Variants in NPAS2 observed in about 807,000 individuals in gnomAD.
NPAS2 encodes the protein neuronal PAS domain-containing protein 2.
NPAS2 carries 23 observed loss-of-function variants against 107.5 expected under a neutral mutation model. The observed-to-expected ratio is 0.21, with a 90% CI of 0.15 to 0.30. The LOEUF (loss-of-function observed/expected upper bound fraction) is 0.30. Among genes scored for constraint, NPAS2 ranks in the 10% least tolerant of loss-of-function variants. The pLI is 1.00. For synonymous variants in NPAS2, 403 were observed against 417.5 expected, an observed-to-expected ratio of 0.97 and a Z score of 0.42; for missense variants, 756 against 1,043.3, an observed-to-expected ratio of 0.72 and a Z score of 3.79.
intron 7 of NPAS2, among the ~76,000 whole-genome samples, chr2:100,956,422 T>C (rs2105099367): frequency 1.3e-5 from 2 of 152,292 alleles, no homozygotes; most frequent in East Asian, 3.9e-4. Context: ...TGTCCATGTG[T>C]ACTCAATATT....
intron 2 of NPAS2, among the ~76,000 whole-genome samples, chr2:100,905,563 T>C (rs923495038): frequency 2.0e-5 from 3 of 152,134 alleles, no homozygotes; most frequent in Non-Finnish European, 4.4e-5. Context: ...CCTCAGTGGC[T>C]CACTGCAGGT....
At chr2:100,861,971 G>T (rs1231395429) in intron 1 of NPAS2, among the ~76,000 whole-genome samples, 2 of 152,146 alleles carry the variant, frequency 1.3e-5, no homozygotes, top group East Asian at 3.8e-4. Context: ...AGAAAAGAAT[G>T]TGTGTATATG....
rs1031206592 is a variant in NPAS2 at position 100,931,148 on chromosome 2, C to T, written c.182-1762C>T. On this transcript the variant is annotated intron_variant, in intron 3 of 20. Transcript: ENST00000335681. ...TTCCCATGCTGCATTCCACCATGTGCATATGAGGCCCGACACTGGACGTTT... is the reference window on the plus strand; with the variant it reads ...TTCCCATGCTGCATTCCACCATGTGTATATGAGGCCCGACACTGGACGTTT... 3.9e-5 allele frequency among the ~76,000 whole-genome samples: 6 copies of T among 152,190 alleles called. No individual in the cohort carries two copies. The East Asian group carries it at 1.2e-3, about 29-fold the overall frequency.
chr2:100,986,605 G>A (rs538240382), intron 16 of NPAS2: 7 of 152,220 alleles, frequency 4.6e-5, no homozygotes, highest in African/African-American at 1.7e-4. Flanking sequence ...ATACCCAAGA[G>A]GTACTTTTGT....
intron 1 of NPAS2, among the ~76,000 whole-genome samples, chr2:100,863,800 T>C (rs1310721222): frequency 6.6e-6 from 1 of 152,216 alleles, no homozygotes; most frequent in African/African-American, 2.4e-5. Context: ...CTAATGTATA[T>C]ATGTATATAA....
intron 1 of NPAS2, among the ~76,000 whole-genome samples, chr2:100,861,773 T>C (rs1423441035): frequency 6.6e-6 from 1 of 152,236 alleles, no homozygotes; most frequent in Non-Finnish European, 1.5e-5. Flanking sequence ...TGGCAGATGC[T>C]TGGCATTTTC....
At chr2:100,935,133 T>C in intron 4 of NPAS2, 1 of 978,366 alleles carries the variant, frequency 1.0e-6, no homozygotes, top group African/African-American at 1.7e-5. Context: ...GCCAAGCTGG[T>C]AAAGTATCAG....
At chr2:100,923,152 C>T (rs1165935400) in intron 2 of NPAS2, among the ~76,000 whole-genome samples, 1 of 152,150 alleles carries the variant, frequency 6.6e-6, no homozygotes, top group Non-Finnish European at 1.5e-5. Context: ...CTTGCTGCCA[C>T]GCCTGCAGTT....
intron 11 of NPAS2, among the ~76,000 whole-genome samples, chr2:100,970,354 T>C (rs1350180402): frequency 6.6e-6 from 1 of 152,200 alleles, no homozygotes; most frequent in Non-Finnish European, 1.5e-5. Context: ...ATGAATCAGG[T>C]GGCAGGCGTT....
Position 100,852,879 on chromosome 2 carries a change from A to T in NPAS2, c.-23+32465A>T, listed in dbSNP as rs1240772718. Among the ~76,000 whole-genome samples, 4 of 151,638 alleles carry T rather than the reference A, an allele frequency of 2.6e-5. No individual in the cohort carries two copies. The East Asian group carries it at 7.9e-4, about 30-fold the overall frequency. ...CGTTCAGTGCTTTCTTTAAAAAAAT[A>T]AAATAAAATAAATAAAAGACAAAAA... is the stretch of plus-strand genomic sequence containing the variant. On this transcript the variant is annotated intron_variant, in intron 1 of 20. Coordinates refer to ENST00000335681, the MANE Select transcript of NPAS2 (RefSeq NM_002518.4).
chr2:100,930,690 G>A (rs1411274709), intron 3 of NPAS2, among the ~76,000 whole-genome samples: 1 of 152,098 alleles, frequency 6.6e-6, no homozygotes, highest in Non-Finnish European at 1.5e-5. Flanking sequence ...GAAATACAAA[G>A]TGAATGAGAT....
intron 1 of NPAS2, among the ~76,000 whole-genome samples, chr2:100,895,811 C>A (rs549812808): frequency 2.6e-5 from 4 of 152,258 alleles, no homozygotes; most frequent in African/African-American, 9.6e-5. Context: ...CCTGCGGGTG[C>A]CTCTTGGCTG....
chr2:100,974,667 T>C, intron 12 of NPAS2, 136 bp from the exon 13 acceptor site: 1 of 946,386 alleles, frequency 1.1e-6, no homozygotes, highest in South Asian at 1.7e-5. Flanking sequence ...CAAGCATCTT[T>C]GGAATCGTCC....
chr2:100,978,127 C>A (rs1424081616), intron 15 of NPAS2, among the ~76,000 whole-genome samples: 2 of 152,014 alleles, frequency 1.3e-5, no homozygotes, highest in Admixed American at 6.6e-5. Flanking sequence ...TACACTGTAC[C>A]CAATATGTAG....
chr2:100,928,814 C>T (rs539487829), intron 3 of NPAS2, among the ~76,000 whole-genome samples: 22 of 152,290 alleles, frequency 1.4e-4, no homozygotes, highest in African/African-American at 5.3e-4. Flanking sequence ...GAATACTGAC[C>T]GTAAGCATCT....
At chr2:100,832,387 G>T (rs1195532279) in intron 1 of NPAS2, among the ~76,000 whole-genome samples, 2 of 152,158 alleles carry the variant, frequency 1.3e-5, no homozygotes, top group Non-Finnish European at 2.9e-5. Flanking sequence ...TGTTGTACCT[G>T]CCCTGGCAAT....
intron 1 of NPAS2, among the ~76,000 whole-genome samples, chr2:100,858,220 G>A (rs137888632): frequency 4.6e-5 from 7 of 152,284 alleles, no homozygotes; most frequent in Non-Finnish European, 7.3e-5. Flanking sequence ...CTCAGCCTCT[G>A]TCTTCAGGGA....
Position 100,988,104 on chromosome 2 carries a change from C to G in NPAS2, c.1655C>G (p.Ser552Cys). The G allele has an allele frequency of 6.2e-7, 1 of 1,614,204 alleles. No individual in the cohort carries two copies. The highest frequency in any genetic ancestry group is 8.5e-7 in the Non-Finnish European group (1 of 1,180,018). Residue 552 changes from serine to cysteine, a missense_variant, in exon 17 of 21, where the codon TCC (serine) becomes TGC (cysteine). By Grantham distance (112) the Ser-to-Cys change is moderately radical. Around this residue, in one of 4 missense-constraint regions of NPAS2, gnomAD observed 496 missense variants for 594.4 expected, o/e 0.83. Coordinates refer to ENST00000335681, the MANE Select transcript of NPAS2 (RefSeq NM_002518.4). ...ATGTTCCTGCAGCAGCCAGCTGTAT[C>G]CCTGAGCTTCAGCAGCACCCAGCGA... Reference protein sequence around the residue: ...VQMFLQQPAVSLSFSSTQRPE... With the variant: ...VQMFLQQPAVCLSFSSTQRPE...
rs565525028 is a variant in NPAS2, at chr2:100,858,929, C to G, written c.-23+38515C>G. On this transcript the variant is annotated intron_variant, in intron 1 of 20. Coordinates refer to ENST00000335681, the MANE Select transcript of NPAS2 (RefSeq NM_002518.4). ...GTAAAACTAAGTAAGGTTGCATAAT[C>G]AACGCCTCAAGAATATAAGTTGTTG... Among the ~76,000 whole-genome samples, 4 of 152,304 alleles carry G rather than the reference C, an allele frequency of 2.6e-5. No individual in the cohort carries two copies. In the East Asian group the frequency reaches 7.7e-4, roughly 29 times the overall value.
Sources: allele counts gnomAD v4.1 joint callset (sites outside exome capture counted in the v4.1 genomes callset), GRCh38; gene constraint gnomAD v4.1.1; regional missense constraint gnomAD v4.1.1; transcripts MANE v1.5; gene names NCBI Gene and HGNC (gene_info 2026-07-23, HGNC 2026-07-21).